The following ZDHHC21 variants were observed in gnomAD, a reference collection of about 807,000 sequenced individuals.
ZDHHC21 encodes the protein zDHHC palmitoyltransferase 21.
In ZDHHC21, 15 loss-of-function variants were observed where a neutral mutation model predicts 34.6. The ratio of observed to expected loss-of-function variants is 0.43; its 90% CI spans 0.29 to 0.67. ZDHHC21 has a LOEUF of 0.67. Ranked by LOEUF, ZDHHC21 falls within the 30% of genes least tolerant of loss-of-function variation. ZDHHC21 has a pLI of 0.14. For missense variants in ZDHHC21, 344 were observed against 327.7 expected, an observed-to-expected ratio of 1.05 and a Z score of -0.38; for synonymous variants, 142 against 101.8, an observed-to-expected ratio of 1.40 and a Z score of -2.38.
At chr9:14,658,713 C>G in intron 7 of ZDHHC21, 36 bp downstream of exon 7, 1 of 1,593,604 alleles carries the variant, frequency 6.3e-7, no homozygotes, top group Non-Finnish European at 8.6e-7. Flanking sequence ...CCTCGTGATC[C>G]GCCCGCCTCG....
downstream of ZDHHC21, among the ~76,000 whole-genome samples, chr9:14,606,764 A>C (rs946313524): frequency 2.6e-5 from 4 of 152,284 alleles, no homozygotes; most frequent in South Asian, 2.1e-4. Context: ...ATACCCAGGA[A>C]ATATATTAAT....
In ZDHHC21 at chr9:14,674,422, A is replaced by G; in HGVS notation, c.-45-37T>C. On this transcript the variant is annotated intron_variant, in intron 3 of 9. Transcript: ENST00000380916. ...GAACAAAGAAAATAATTACTTACAT[A>G]GAAAAATTTGACTAAAACCTGTATT... is the stretch of plus-strand genomic sequence containing the variant. 3 of 1,401,152 alleles carry G rather than the reference A, an allele frequency of 2.1e-6. No homozygotes were observed. In the South Asian group the frequency reaches 4.4e-5, roughly 20 times the overall value. The allele number at this position is 1,401,152 out of a possible 1,614,324, so 86.8% of individuals were successfully genotyped here.
At chr9:14,647,076 T>C (rs1056653667) in intron 7 of ZDHHC21, among the ~76,000 whole-genome samples, 4 of 152,102 alleles carry the variant, frequency 2.6e-5, no homozygotes, top group Non-Finnish European at 5.9e-5. Context: ...ACATGTATAA[T>C]AGCAGCAATA....
At chr9:14,650,927 C>T (rs1022712109) in intron 7 of ZDHHC21, among the ~76,000 whole-genome samples, 1 of 151,856 alleles carries the variant, frequency 6.6e-6, no homozygotes, top group Admixed American at 6.6e-5. Context: ...TATGCTTTTC[C>T]CCTTCACATA....
chr9:14,685,513 C>T (rs1838167103), intron 2 of ZDHHC21, among the ~76,000 whole-genome samples: 1 of 152,058 alleles, frequency 6.6e-6, no homozygotes, highest in Admixed American at 6.5e-5. Flanking sequence ...CATACCATCT[C>T]ACACCAGTTA....
intron 7 of ZDHHC21, among the ~76,000 whole-genome samples, chr9:14,657,766 A>T (rs929044260): frequency 6.6e-6 from 1 of 152,274 alleles, no homozygotes; most frequent in East Asian, 1.9e-4. Context: ...TTTGTTTTTC[A>T]TTAACACCAC....
At chr9:14,637,177 C>A (rs112454162) in intron 8 of ZDHHC21, among the ~76,000 whole-genome samples, 24 of 151,972 alleles carry the variant, frequency 1.6e-4, no homozygotes, top group African/African-American at 4.8e-4. Context: ...CAAGAAGAGA[C>A]AGGACCCAAG....
chr9:14,654,045 A>C (rs961094438), intron 7 of ZDHHC21, among the ~76,000 whole-genome samples: 6 of 152,014 alleles, frequency 3.9e-5, no homozygotes, highest in African/African-American at 1.4e-4. Flanking sequence ...GTACCTGTCA[A>C]TTCACATTCA....
chr9:14,658,607 G>A (rs1832767072), intron 7 of ZDHHC21, 142 bp downstream of exon 7: 4 of 531,994 alleles, frequency 7.5e-6, no homozygotes, highest in Non-Finnish European at 3.2e-6. Flanking sequence ...GAGTAGCTGG[G>A]ACTACAGGCG....
intron 8 of ZDHHC21, among the ~76,000 whole-genome samples, chr9:14,633,953 C>T (rs539938193): frequency 1.3e-5 from 2 of 152,302 alleles, no homozygotes; most frequent in East Asian, 3.9e-4. Context: ...CTACCACAGC[C>T]ACTGGGTGAA....
rs919793118 is a variant in ZDHHC21, at chr9:14,652,482, C to T, written c.504+6267G>A. Among the ~76,000 whole-genome samples the T allele has an allele frequency of 2.7e-4, 41 of 151,828 alleles. 1 individual carries two copies. In the East Asian group the frequency reaches 7.4e-3, roughly 27 times the overall value. ...TGGTAAAAACATATAAATCTTTGAA[C>T]GTTCGTGATAAAAGAATATTTTAAA... On this transcript the variant is annotated intron_variant, in intron 7 of 9. Transcript: ENST00000380916.
At position 14,693,378 on chromosome 9, in the gene ZDHHC21, G is replaced by A. The variant is rs1027480861; in HGVS notation, c.-374C>T. The stretch of plus-strand genomic sequence containing the variant: ...TCCGCTTCCGGGAGCCTGAGGGCCT[G>A]GACCGGCCGAGTGGGTGTCCGCATG... On this transcript the variant is annotated 5_prime_UTR_variant, in exon 1 of 10. It introduces an in-frame stop codon into an upstream open reading frame of the 5' UTR. Coordinates refer to ENST00000380916, the MANE Select transcript of ZDHHC21 (RefSeq NM_178566.6). 8.3e-6 allele frequency: 3 copies of A among 363,526 alleles called. No homozygotes were observed. Among genetic ancestry groups the A allele is most frequent in the African/African-American group, 2.3e-5 (1 of 44,240 alleles). The allele number at this position is 363,526 out of a possible 1,614,324, so 22.5% of individuals were successfully genotyped here.
At chr9:14,674,430 T>G (rs532455929) in intron 3 of ZDHHC21, 45 bp from the exon 4 acceptor site, 3 of 1,343,596 alleles carry the variant, frequency 2.2e-6, no homozygotes, top group Non-Finnish European at 3.0e-6. Context: ...ATAGAAAAAT[T>G]TGACTAAAAC....
chr9:14,602,803 A>T, the ZDHHC21 span, among the ~76,000 whole-genome samples: 1 of 151,992 alleles, frequency 6.6e-6, no homozygotes, highest in Non-Finnish European at 1.5e-5. Context: ...TGCACTTATA[A>T]TCCCAGCCAC....
At chr9:14,689,311 A>G (rs1563756910) in intron 2 of ZDHHC21, among the ~76,000 whole-genome samples, 1 of 152,254 alleles carries the variant, frequency 6.6e-6, no homozygotes. Flanking sequence ...GAGCAAAGGA[A>G]TAAAGTGTGA....
chr9:14,640,421 A>T (rs575158229), intron 7 of ZDHHC21, among the ~76,000 whole-genome samples: 1 of 152,074 alleles, frequency 6.6e-6, no homozygotes, highest in Non-Finnish European at 1.5e-5. Context: ...TCTGCTAAAA[A>T]GTTTGAATAC....
the ZDHHC21 span, among the ~76,000 whole-genome samples, chr9:14,602,634 A>G: frequency 4.8e-4 from 73 of 152,292 alleles, no homozygotes; most frequent in Middle Eastern, 3.4e-3. Context: ...CATCAGACAA[A>G]CAGATTTGTC....
the ZDHHC21 span, among the ~76,000 whole-genome samples, chr9:14,599,690 C>T: frequency 6.6e-6 from 1 of 152,070 alleles, no homozygotes; most frequent in African/African-American, 2.4e-5. Flanking sequence ...GCCCAGCAAG[C>T]TAAGATCCAC....
chr9:14,648,433 C>T (rs1170857419), intron 7 of ZDHHC21, among the ~76,000 whole-genome samples: 8 of 152,026 alleles, frequency 5.3e-5, no homozygotes, highest in Non-Finnish European at 1.0e-4. Context: ...ACAGCCCTTA[C>T]TACTCTCAAC....
Sources: allele counts gnomAD v4.1 joint callset (sites outside exome capture counted in the v4.1 genomes callset), GRCh38; gene constraint gnomAD v4.1.1; transcripts MANE v1.5; gene names NCBI Gene and HGNC (gene_info 2026-07-23, HGNC 2026-07-21).